The following COL4A6 variants were observed in gnomAD, a reference collection of about 807,000 sequenced individuals.
The protein encoded by COL4A6 is collagen alpha-6(IV) chain.
COL4A6 carries 59 observed loss-of-function variants against 126.7 expected under a neutral mutation model. The observed-to-expected ratio is 0.47, with a 90% CI of 0.38 to 0.58. The LOEUF (loss-of-function observed/expected upper bound fraction) is 0.58. Among genes scored for constraint, COL4A6 ranks in the 20% least tolerant of loss-of-function variants. COL4A6 has a pLI of 0.00. For synonymous variants in COL4A6, 547 were observed against 496.6 expected, an observed-to-expected ratio of 1.10 and a Z score of -1.35; for missense variants, 1,285 against 1,337.3, an observed-to-expected ratio of 0.96 and a Z score of 0.61.
intron 2 of COL4A6, among the ~76,000 whole-genome samples, chrX:108,437,415 A>T (rs2064287962): frequency 8.9e-6 from 1 of 111,972 alleles, no homozygotes; most frequent in Admixed American, 9.5e-5. Flanking sequence ...ATCAGACAGA[A>T]ATTGAACATC....
chrX:108,292,895 G>A (rs2038199095), intron 3 of COL4A6, among the ~76,000 whole-genome samples: 1 of 92,612 alleles, frequency 1.1e-5, no homozygotes, highest in Non-Finnish European at 2.1e-5. Flanking sequence ...GCTGCAGTGA[G>A]TTATGATGAT....
chrX:108,292,185 T>G (rs948353587), intron 3 of COL4A6, among the ~76,000 whole-genome samples: 1 of 112,346 alleles, frequency 8.9e-6, no homozygotes, highest in African/African-American at 3.2e-5. Flanking sequence ...TTTCTTCGAA[T>G]ATCACTTGTA....
chrX:108,405,786 G>A (rs1320453364), intron 2 of COL4A6, among the ~76,000 whole-genome samples: 1 of 111,268 alleles, frequency 9.0e-6, no homozygotes, highest in Admixed American at 9.6e-5. Flanking sequence ...GACCAAGGGA[G>A]AGCAGGCTTC....
At chrX:108,254,981 A>G (rs1400245034) in intron 3 of COL4A6, among the ~76,000 whole-genome samples, 2 of 109,031 alleles carry the variant, frequency 1.8e-5, no homozygotes, top group East Asian at 5.8e-4. Context: ...AGTGATCTTA[A>G]AAAAGTAACA....
chrX:108,232,866 G>A (rs767907026), intron 3 of COL4A6, among the ~76,000 whole-genome samples: 55 of 110,966 alleles, frequency 5.0e-4, no homozygotes, highest in African/African-American at 1.6e-3. Context: ...GAAAAAACTC[G>A]AATAACCAAA....
intron 3 of COL4A6, among the ~76,000 whole-genome samples, chrX:108,233,462 G>C (rs1156689060): frequency 9.0e-6 from 1 of 111,250 alleles, no homozygotes; most frequent in African/African-American, 3.3e-5. Context: ...TCCCTAAATA[G>C]AAGGAGTAAA....
At chrX:108,311,610 C>CT (rs1165242351) in intron 2 of COL4A6, among the ~76,000 whole-genome samples, 1 of 111,628 alleles carries the variant, frequency 9.0e-6, no homozygotes. Context: ...CTCGCTGTTA[C>CT]TTTTTTCTGC....
Position 108,191,397 on chromosome X carries a change from T to G in COL4A6, c.1317A>C (p.Pro439=). The change falls in exon 19 of 45, where the codon CCA becomes CCC. Residue 439 remains proline (P), a synonymous_variant. Coordinates refer to ENST00000334504, the MANE Select transcript of COL4A6 (RefSeq NM_033641.4). ...AAAGAGAAATGAGTAACTTACTAGG[T>G]GGGCCTGGTGGACCTGGTGGGCCTG... ...GLPGPPGPPG[P]PSPEFETETL... 3 of 1,209,577 alleles carry G rather than the reference T, an allele frequency of 2.5e-6. No individual in the cohort carries two copies. The highest frequency in any genetic ancestry group is 3.4e-6 in the Non-Finnish European group (3 of 894,581).
chrX:108,170,588 C>T (rs2034268456), intron 35 of COL4A6, 21 bp downstream of exon 35: 9 of 1,155,044 alleles, frequency 7.8e-6, no homozygotes, highest in Non-Finnish European at 1.1e-5. Flanking sequence ...TTCCCCACTG[C>T]CTGCTCCCAA....
intron 11 of COL4A6, chrX:108,204,624 G>A (rs1162102676): frequency 8.1e-6 from 4 of 494,805 alleles, no homozygotes; most frequent in Non-Finnish European, 1.4e-5. Context: ...CACTGCAGAG[G>A]GAAGAGCAAG....
At chrX:108,174,341 G>A (rs1462892420) in intron 31 of COL4A6, 99 bp downstream of exon 31, 36 of 891,874 alleles carry the variant, frequency 4.0e-5, no homozygotes, top group Non-Finnish European at 5.5e-5. Context: ...AGAAGGGGCT[G>A]AGAAGTAAGC....
At chrX:108,367,247 G>C (rs1356823322) in intron 2 of COL4A6, among the ~76,000 whole-genome samples, 1 of 112,117 alleles carries the variant, frequency 8.9e-6, no homozygotes, top group Admixed American at 9.5e-5. Context: ...ATCATTATCT[G>C]ATAATGAGAT....
chrX:108,192,381 G>T, intron 18 of COL4A6, 92 bp downstream of exon 18: 1 of 606,833 alleles, frequency 1.6e-6, no homozygotes, highest in Non-Finnish European at 2.6e-6. Context: ...TTGGCTAGGT[G>T]TGTGCCCCGA....
At chrX:108,365,317 T>C (rs113392830) in intron 2 of COL4A6, among the ~76,000 whole-genome samples, 129 of 111,858 alleles carry the variant, frequency 1.2e-3, no homozygotes, top group African/African-American at 3.8e-3. Flanking sequence ...GTGTCTGAAA[T>C]AAGAGTAATG....
At chrX:108,367,270 CT>C (rs1389609122) in intron 2 of COL4A6, among the ~76,000 whole-genome samples, 1 of 111,895 alleles carries the variant, frequency 8.9e-6, no homozygotes, top group Non-Finnish European at 1.9e-5. Context: ...TGAATTGTGC[CT>C]ATTTCATAGG....
In COL4A6 at chrX:108,380,144, T is replaced by C. The variant is rs1358776497; in HGVS notation, c.63+57798A>G. 4.4e-5 allele frequency among the ~76,000 whole-genome samples: 5 copies of C among 112,601 alleles called. No individual in the cohort carries two copies. The Admixed American group carries it at 4.7e-4, about 11-fold the overall frequency. On this transcript the variant is annotated intron_variant, in intron 2 of 44. Coordinates refer to ENST00000334504, the MANE Select transcript of COL4A6 (RefSeq NM_033641.4). Reference sequence around the variant, plus strand: ...ACCAGGTAATGCTGTCAATCTACTATTTTAAAAACACAAGCTAATGGAGAT... The same window carrying C: ...ACCAGGTAATGCTGTCAATCTACTACTTTAAAAACACAAGCTAATGGAGAT...
chrX:108,292,804 A>G (rs1384014264), intron 3 of COL4A6, among the ~76,000 whole-genome samples: 1 of 108,539 alleles, frequency 9.2e-6, no homozygotes, highest in Non-Finnish European at 1.9e-5. Context: ...TGCTGCCACC[A>G]CACAGTAGAA....
At chrX:108,416,932 T>C (rs1309245800) in intron 2 of COL4A6, among the ~76,000 whole-genome samples, 2 of 111,955 alleles carry the variant, frequency 1.8e-5, no homozygotes, top group Non-Finnish European at 3.8e-5. Flanking sequence ...TAGAAGGTAA[T>C]ATGAAGAAGA....
At chrX:108,354,694 A>C (rs1287872614) in intron 2 of COL4A6, among the ~76,000 whole-genome samples, 1 of 103,527 alleles carries the variant, frequency 9.7e-6, no homozygotes, top group Non-Finnish European at 1.9e-5. Context: ...TCACTCCCAA[A>C]TAACCTGTGC....
Sources: allele counts gnomAD v4.1 joint callset (sites outside exome capture counted in the v4.1 genomes callset), GRCh38; gene constraint gnomAD v4.1.1; transcripts MANE v1.5; gene names NCBI Gene and HGNC (gene_info 2026-07-23, HGNC 2026-07-21).